Variants in DLGAP2 observed in about 807,000 individuals in gnomAD.
DLGAP2 encodes the protein disks large-associated protein 2.
DLGAP2 carries 26 observed loss-of-function variants against 100.3 expected under a neutral mutation model. The observed-to-expected ratio is 0.26, with a 90% CI of 0.19 to 0.36. The LOEUF is 0.36. Ranked by LOEUF, DLGAP2 falls within the 10% of genes least tolerant of loss-of-function variation. The pLI, the probability that DLGAP2 is intolerant of heterozygous loss-of-function variation, is 1.00. For synonymous variants in DLGAP2, 886 were observed against 630.1 expected (o/e 1.41, Z -6.08); for missense variants, 1,858 against 1,453.2 (o/e 1.28, Z -4.53).
intron 1 of DLGAP2, among the ~76,000 whole-genome samples, chr8:898,836 T>C (rs1053336138): frequency 6.6e-6 from 1 of 152,204 alleles, no homozygotes; most frequent in African/African-American, 2.4e-5. Context: ...GCTGCAGCTT[T>C]GAAGGGGGTT....
chr8:1,631,832 A>G (rs7820955), intron 7 of DLGAP2, among the ~76,000 whole-genome samples: 150,807 of 152,326 alleles, frequency 0.99, 74,658 homozygotes, highest in East Asian at 1. Flanking sequence ...ACTTGGAGAC[A>G]GGCAACCAGT....
chr8:1,425,297 TG>T (rs890960481), intron 3 of DLGAP2, among the ~76,000 whole-genome samples: 5 of 152,182 alleles, frequency 3.3e-5, no homozygotes, highest in Middle Eastern at 3.4e-3. Context: ...CCATGGTAAA[TG>T]GGGGGTTCAT....
intron 2 of DLGAP2, among the ~76,000 whole-genome samples, chr8:1,230,371 G>A (rs199679785): frequency 6.6e-6 from 1 of 152,064 alleles, no homozygotes; most frequent in Admixed American, 6.6e-5. Flanking sequence ...GATGGCACAA[G>A]CAACCAAAAA....
At chr8:1,066,625 T>G (rs1484414434) in intron 2 of DLGAP2, among the ~76,000 whole-genome samples, 1 of 150,992 alleles carries the variant, frequency 6.6e-6, no homozygotes, top group African/African-American at 2.4e-5. Context: ...CCCACCACGG[T>G]CAGGTCTGAG....
chr8:1,157,292 T>C (rs529655407), intron 2 of DLGAP2, among the ~76,000 whole-genome samples: 21 of 152,258 alleles, frequency 1.4e-4, no homozygotes, highest in African/African-American at 4.3e-4. Flanking sequence ...CGGGCTGTGA[T>C]GTTCAGAGAT....
intron 2 of DLGAP2, among the ~76,000 whole-genome samples, chr8:1,135,445 C>A (rs1047022690): frequency 6.7e-6 from 1 of 148,876 alleles, no homozygotes; most frequent in Non-Finnish European, 1.5e-5. Context: ...TTAGGAACCA[C>A]GCAGAGATAG....
chr8:1,315,683 A>C (rs34158329), intron 3 of DLGAP2, among the ~76,000 whole-genome samples: 5 of 99,112 alleles, frequency 5.0e-5, no homozygotes, highest in African/African-American at 1.3e-4. Context: ...ACACTCGAGA[A>C]ACTCGGCAGC....
At chr8:1,070,685 C>T (rs1803401145) in intron 2 of DLGAP2, among the ~76,000 whole-genome samples, 2 of 152,174 alleles carry the variant, frequency 1.3e-5, no homozygotes, top group South Asian at 4.1e-4. Context: ...ACACTCACTC[C>T]CTCCTTACAG....
intron 3 of DLGAP2, among the ~76,000 whole-genome samples, chr8:1,413,620 TG>T (rs1322216299): frequency 6.6e-6 from 1 of 152,212 alleles, no homozygotes; most frequent in Non-Finnish European, 1.5e-5. Flanking sequence ...CTTCTCTGGA[TG>T]GAGGAATAAT....
chr8:1,599,661 C>T (rs1233006918), intron 6 of DLGAP2, among the ~76,000 whole-genome samples: 2 of 152,146 alleles, frequency 1.3e-5, no homozygotes, highest in Non-Finnish European at 2.9e-5. Context: ...TCGTTGTTGA[C>T]TTAAAATTTG....
At chr8:1,687,373 A>C (rs1406419448) in intron 12 of DLGAP2, among the ~76,000 whole-genome samples, 3 of 152,232 alleles carry the variant, frequency 2.0e-5, no homozygotes, top group Non-Finnish European at 4.4e-5. Context: ...TCTGATGAGA[A>C]TTAGTCCTTA....
intron 1 of DLGAP2, among the ~76,000 whole-genome samples, chr8:837,485 C>G (rs1796900885): frequency 6.6e-6 from 1 of 152,054 alleles, no homozygotes; most frequent in Non-Finnish European, 1.5e-5. Context: ...TCCTTCTTTT[C>G]AACATTTTTA....
intron 3 of DLGAP2, among the ~76,000 whole-genome samples, chr8:1,464,283 CAACGCCCTTCCAGGAT>C (rs1203405041): frequency 0.028 from 1,131 of 40,716 alleles, 78 homozygotes; most frequent in East Asian, 0.11. Flanking sequence ...CCTTCCAGGA[CAACGCCCTTCCAGGAT>C]GGCACCCTTC....
At chr8:1,357,617 C>G (rs1801885558) in intron 3 of DLGAP2, among the ~76,000 whole-genome samples, 1 of 152,108 alleles carries the variant, frequency 6.6e-6, no homozygotes, top group South Asian at 2.1e-4. Context: ...GCTTTATAAA[C>G]TCTTACACAT....
intron 1 of DLGAP2, among the ~76,000 whole-genome samples, chr8:795,670 C>G (rs545030147): frequency 1.5e-5 from 2 of 131,876 alleles, no homozygotes; most frequent in Non-Finnish European, 3.4e-5. Context: ...GAGCAGGTGT[C>G]CAGTGAGAAC....
chr8:1,586,603 A>G (rs1192675252), intron 6 of DLGAP2, among the ~76,000 whole-genome samples: 1 of 152,206 alleles, frequency 6.6e-6, no homozygotes, highest in African/African-American at 2.4e-5. Context: ...TGTGTAGCGT[A>G]ACGTGTTCAC....
intron 1 of DLGAP2, among the ~76,000 whole-genome samples, chr8:906,971 T>C (rs1342945064): frequency 6.6e-6 from 1 of 152,122 alleles, no homozygotes; most frequent in Non-Finnish European, 1.5e-5. Flanking sequence ...AGAGGGGGGA[T>C]GGAGGAGAAG....
chr8:1,567,338 T>C (rs1468400195), intron 6 of DLGAP2, among the ~76,000 whole-genome samples: 1 of 152,240 alleles, frequency 6.6e-6, no homozygotes, highest in Non-Finnish European at 1.5e-5. Flanking sequence ...GAAGCTATGC[T>C]TCGTGGGTCC....
chr8:1,098,090 A>T (rs1471341179), intron 2 of DLGAP2, among the ~76,000 whole-genome samples: 7 of 152,214 alleles, frequency 4.6e-5, no homozygotes. Flanking sequence ...TTTCCTTGCA[A>T]CGCAATTCTG....
Sources: allele counts gnomAD v4.1 joint callset (sites outside exome capture counted in the v4.1 genomes callset), GRCh38; gene constraint gnomAD v4.1.1; transcripts MANE v1.5; gene names NCBI Gene and HGNC (gene_info 2026-07-23, HGNC 2026-07-21).